PLCL2: variants seen among roughly 807,000 people sequenced by gnomAD.
The protein encoded by PLCL2 is inactive phospholipase C-like protein 2.
A neutral mutation model predicts 79.6 loss-of-function variants in PLCL2; 4 were observed. The observed-to-expected ratio is 0.05, with a 90% CI of 0.02 to 0.11. The LOEUF (loss-of-function observed/expected upper bound fraction) is 0.11, where lower values mean the gene tolerates loss of function less well. Among genes scored for constraint, PLCL2 ranks in the 10% least tolerant of loss-of-function variants. The probability of loss-of-function intolerance (pLI) is 1.00; values close to 1 mark genes in which losing one functional copy is unlikely to be tolerated. For missense variants in PLCL2, 895 were observed against 1,291.0 expected, an observed-to-expected ratio of 0.69 and a Z score of 4.70; for synonymous variants, 484 against 457.7, an observed-to-expected ratio of 1.06 and a Z score of -0.73.
At chr3:16,938,706 G>A (rs992587839) in intron 1 of PLCL2, among the ~76,000 whole-genome samples, 1 of 152,168 alleles carries the variant, frequency 6.6e-6, no homozygotes, top group African/African-American at 2.4e-5. Context: ...TCTTGGAAAT[G>A]CAGGGAGCAC....
chr3:17,035,348 A>G (rs1463010641), intron 3 of PLCL2, among the ~76,000 whole-genome samples: 1 of 152,176 alleles, frequency 6.6e-6, no homozygotes, highest in Non-Finnish European at 1.5e-5. Context: ...GGGGTGTGTA[A>G]CATGTTTAGT....
At chr3:16,967,273 G>A (rs1369488364) in intron 1 of PLCL2, among the ~76,000 whole-genome samples, 1 of 152,092 alleles carries the variant, frequency 6.6e-6, no homozygotes, top group South Asian at 2.1e-4. Context: ...ATTCCTTTGG[G>A]TATGTATCCA....
At chr3:16,950,640 CTCA>C (rs2063642652) in intron 1 of PLCL2, among the ~76,000 whole-genome samples, 4 of 151,814 alleles carry the variant, frequency 2.6e-5, no homozygotes, top group Admixed American at 2.6e-4. Flanking sequence ...CTTCTACCAT[CTCA>C]TCATTAACTA....
chr3:17,018,614 C>T (rs1176917993), intron 3 of PLCL2, among the ~76,000 whole-genome samples: 1 of 152,138 alleles, frequency 6.6e-6, no homozygotes, highest in Non-Finnish European at 1.5e-5. Context: ...TTATTTATTG[C>T]ATTGGACAGC....
At chr3:16,965,649 A>G (rs1208994816) in intron 1 of PLCL2, among the ~76,000 whole-genome samples, 4 of 152,140 alleles carry the variant, frequency 2.6e-5, no homozygotes, top group Non-Finnish European at 5.9e-5. Flanking sequence ...CTTCCTATCC[A>G]TGAGCATGGA....
intron 4 of PLCL2, among the ~76,000 whole-genome samples, chr3:17,054,643 A>G (rs370264154): frequency 2.0e-5 from 3 of 152,152 alleles, no homozygotes; most frequent in East Asian, 1.9e-4. Context: ...CTTACTATAT[A>G]CTACCAAGGG....
At chr3:16,962,495 A>T (rs1268113284) in intron 1 of PLCL2, among the ~76,000 whole-genome samples, 1 of 151,804 alleles carries the variant, frequency 6.6e-6, no homozygotes, top group Non-Finnish European at 1.5e-5. Context: ...TTAATAATTC[A>T]GAGTCAATTG....
At chr3:16,962,684 G>A (rs998962493) in intron 1 of PLCL2, among the ~76,000 whole-genome samples, 2 of 151,982 alleles carry the variant, frequency 1.3e-5, no homozygotes, top group African/African-American at 4.8e-5. Flanking sequence ...GATTACAACT[G>A]CTTTGAAAAA....
chr3:17,027,489 A>G (rs897867615), intron 3 of PLCL2, among the ~76,000 whole-genome samples: 1 of 152,178 alleles, frequency 6.6e-6, no homozygotes, highest in Non-Finnish European at 1.5e-5. Context: ...AGCAGCCTAC[A>G]ATGTTTACTG....
intron 1 of PLCL2, among the ~76,000 whole-genome samples, chr3:16,983,013 A>G (rs1380356539): frequency 6.6e-6 from 1 of 152,212 alleles, no homozygotes; most frequent in African/African-American, 2.4e-5. Context: ...CCATGGCAAT[A>G]GTATATTTTT....
chr3:16,968,900 T>C (rs777301167), intron 1 of PLCL2, among the ~76,000 whole-genome samples: 27 of 152,160 alleles, frequency 1.8e-4, no homozygotes, highest in Admixed American at 9.8e-4. Flanking sequence ...TAGATGGCTG[T>C]TATTATTTTG....
At position 16,991,218 on chromosome 3, in the gene PLCL2, G is replaced by T. The variant is rs116185320; in HGVS notation, c.328-18456G>T. Among the ~76,000 whole-genome samples the T allele has an allele frequency of 2.5e-3, 386 of 152,314 alleles. 1 individual carries two copies. The highest frequency in any genetic ancestry group is 4.4e-3 in the Non-Finnish European group (302 of 68,030). ...GAACAGAGCAGGGGAGGAGGAGGAG[G>T]AACTGACCTGCCTGGGTACTATTTA... is the stretch of plus-strand genomic sequence containing the variant. On this transcript the variant is annotated intron_variant, in intron 1 of 5. Coordinates refer to ENST00000615277, the MANE Select transcript of PLCL2 (RefSeq NM_001144382.2).
At chr3:16,993,195 A>G (rs776226313) in intron 1 of PLCL2, among the ~76,000 whole-genome samples, 5 of 152,204 alleles carry the variant, frequency 3.3e-5, no homozygotes, top group Non-Finnish European at 7.3e-5. Context: ...TAGGATGATC[A>G]TATGTTTCAG....
intron 2 of PLCL2, among the ~76,000 whole-genome samples, chr3:17,013,297 C>T (rs114327581): frequency 0.01 from 1,533 of 152,264 alleles, 30 homozygotes; most frequent in African/African-American, 0.035. Context: ...ACAAAGCAGT[C>T]GGTAGTGATA....
chr3:17,059,444 G>GTA (rs2124935888), intron 4 of PLCL2, among the ~76,000 whole-genome samples: 1 of 46,110 alleles, frequency 2.2e-5, no homozygotes, highest in South Asian at 7.7e-4. Context: ...ATATATATGT[G>GTA]TGTGTGTGTA....
intron 1 of PLCL2, among the ~76,000 whole-genome samples, chr3:16,972,435 G>A (rs184967766): frequency 6.6e-6 from 1 of 152,274 alleles, no homozygotes; most frequent in East Asian, 1.9e-4. Context: ...GTCAGTTTTA[G>A]AGTACGTGCC....
intron 1 of PLCL2, among the ~76,000 whole-genome samples, chr3:16,957,007 G>T (rs998687545): frequency 6.6e-6 from 1 of 152,032 alleles, no homozygotes; most frequent in Non-Finnish European, 1.5e-5. Flanking sequence ...TTTTTGAAGG[G>T]TTTTTTGTGT....
intron 1 of PLCL2, among the ~76,000 whole-genome samples, chr3:16,986,236 G>T (rs1485607780): frequency 6.6e-6 from 1 of 152,114 alleles, no homozygotes; most frequent in Non-Finnish European, 1.5e-5. Context: ...GAAGGTAGAA[G>T]ATAGTATCAA....
chr3:16,928,968 T>C (rs530255824), intron 1 of PLCL2, among the ~76,000 whole-genome samples: 2 of 6,830 alleles, frequency 2.9e-4, no homozygotes, highest in South Asian at 0.014. Flanking sequence ...GTAGAGGCTG[T>C]GAGTTTAGAA....
Sources: gnomAD v4.1 joint callset for allele counts (sites outside exome capture counted in the v4.1 genomes callset) on GRCh38, gnomAD v4.1.1 for gene constraint, MANE v1.5 for transcripts, NCBI Gene and HGNC (gene_info 2026-07-23, HGNC 2026-07-21) for gene names.